Variants in CEP83 observed in about 807,000 individuals in gnomAD.
The protein encoded by CEP83 is centrosomal protein of 83 kDa.
In CEP83, 70 loss-of-function variants were observed where a neutral mutation model predicts 101.9. The observed-to-expected ratio is 0.69, with a 90% CI of 0.57 to 0.84. CEP83 has a LOEUF of 0.84. Ranked by LOEUF, CEP83 falls within the 40% of genes least tolerant of loss-of-function variation. CEP83 has a pLI of 0.00. For synonymous variants in CEP83, 264 were observed against 267.9 expected (o/e 0.99, Z 0.14); for missense variants, 715 against 787.2 (o/e 0.91, Z 1.10).
intron 2 of CEP83, among the ~76,000 whole-genome samples, chr12:94,415,550 A>G (rs1329880866): frequency 6.6e-6 from 1 of 152,134 alleles, no homozygotes; most frequent in Non-Finnish European, 1.5e-5. Context: ...GCTCTCAATG[A>G]AAAAATAATA....
At chr12:94,340,539 C>CA (rs961364066) in intron 11 of CEP83, among the ~76,000 whole-genome samples, 14 of 151,982 alleles carry the variant, frequency 9.2e-5, no homozygotes, top group African/African-American at 3.4e-4. Context: ...CAGGTTCACG[C>CA]AATTCTCCTG....
rs552233367 is a variant in CEP83, at chr12:94,426,436, C to T, written c.-102+8839G>A. ...ATGTAACTTTGTCCATGACAAGAAA[C>T]ATGTCTTACTCATGTTCATAATCCC... On this transcript the variant is annotated intron_variant, in intron 2 of 16. Transcript: ENST00000397809. 2.6e-5 allele frequency among the ~76,000 whole-genome samples: 4 copies of T among 152,258 alleles called. No homozygotes were observed. The East Asian group carries it at 7.7e-4, about 29-fold the overall frequency.
the CEP83 span, chr12:94,297,282 T>C: frequency 5.6e-6 from 9 of 1,612,178 alleles, no homozygotes; most frequent in East Asian, 2.0e-4. Context: ...AAGAGTGGTC[T>C]CCTTGGGTAA....
chr12:94,454,695 A>G (rs1299263352), intron 1 of CEP83, among the ~76,000 whole-genome samples: 4 of 152,226 alleles, frequency 2.6e-5, no homozygotes, highest in African/African-American at 9.7e-5. Flanking sequence ...CTTTGGGTCC[A>G]CACTGCCTTT....
At chr12:94,292,453 T>C in the CEP83 span, among the ~76,000 whole-genome samples, 1 of 152,254 alleles carries the variant, frequency 6.6e-6, no homozygotes, top group Non-Finnish European at 1.5e-5. Flanking sequence ...TCCCACATTA[T>C]GCTTACATTT....
the CEP83 span, chr12:94,282,392 C>G: frequency 6.2e-7 from 1 of 1,606,372 alleles, no homozygotes; most frequent in Non-Finnish European, 8.5e-7. Flanking sequence ...ACACCATTGG[C>G]CACTATGAGG....
At chr12:94,372,328 T>C (rs2061344494) in intron 8 of CEP83, among the ~76,000 whole-genome samples, 1 of 152,236 alleles carries the variant, frequency 6.6e-6, no homozygotes, top group African/African-American at 2.4e-5. Flanking sequence ...TTTTATAAAA[T>C]GATGTTTACA....
intron 6 of CEP83, among the ~76,000 whole-genome samples, chr12:94,396,121 C>A (rs1170050712): frequency 3.9e-5 from 6 of 152,074 alleles, no homozygotes; most frequent in South Asian, 4.1e-4. Context: ...GCGCCTACAA[C>A]TCTGTATTGT....
chr12:94,320,015 T>G (rs1301520831), intron 14 of CEP83, among the ~76,000 whole-genome samples: 1 of 152,240 alleles, frequency 6.6e-6, no homozygotes, highest in Non-Finnish European at 1.5e-5. Flanking sequence ...GAACTTGCTT[T>G]ATGAATCCGG....
At chr12:94,349,308 A>G (rs975150751) in intron 11 of CEP83, among the ~76,000 whole-genome samples, 2 of 151,894 alleles carry the variant, frequency 1.3e-5, no homozygotes, top group African/African-American at 4.8e-5. Flanking sequence ...AAAAAGAAAA[A>G]AAGTTTGTAG....
intron 8 of CEP83, among the ~76,000 whole-genome samples, chr12:94,372,243 A>G (rs1340485381): frequency 1.3e-5 from 2 of 152,056 alleles, no homozygotes; most frequent in Admixed American, 6.5e-5. Context: ...AAGTGCTGGG[A>G]TTACAGGCGT....
chr12:94,271,121 T>G, the CEP83 span, among the ~76,000 whole-genome samples: 2 of 152,236 alleles, frequency 1.3e-5, no homozygotes, highest in African/African-American at 2.4e-5. Flanking sequence ...GAACTAGGCT[T>G]TTCTCTTGAC....
At chr12:94,440,803 A>C (rs2066346185) in intron 1 of CEP83, among the ~76,000 whole-genome samples, 1 of 152,218 alleles carries the variant, frequency 6.6e-6, no homozygotes, top group Admixed American at 6.5e-5. Flanking sequence ...ATAGTTACCA[A>C]AACAGCATGG....
intron 1 of CEP83, among the ~76,000 whole-genome samples, chr12:94,449,452 T>G (rs995709840): frequency 2.6e-5 from 4 of 151,868 alleles, no homozygotes; most frequent in African/African-American, 9.7e-5. Flanking sequence ...TTCAACAACA[T>G]ATAACAGAGA....
intron 4 of CEP83, among the ~76,000 whole-genome samples, 184 bp downstream of exon 4, chr12:94,411,513 C>T (rs1226450220): frequency 2.0e-5 from 3 of 152,082 alleles, no homozygotes; most frequent in Non-Finnish European, 4.4e-5. Context: ...AGTTTCATGG[C>T]TCCCTTACAT....
the CEP83 span, chr12:94,282,490 C>A: frequency 1.2e-6 from 1 of 852,108 alleles, no homozygotes; most frequent in Non-Finnish European, 1.9e-6. Context: ...GACTCCCACC[C>A]ATTTCCTGGA....
At chr12:94,384,978 T>C (rs2062053485) in intron 6 of CEP83, among the ~76,000 whole-genome samples, 1 of 152,158 alleles carries the variant, frequency 6.6e-6, no homozygotes, top group South Asian at 2.1e-4. Flanking sequence ...CTTGGACATT[T>C]GGGGAATTAA....
chr12:94,448,213 A>T (rs1455240479), intron 1 of CEP83, among the ~76,000 whole-genome samples: 1 of 152,164 alleles, frequency 6.6e-6, no homozygotes, highest in Admixed American at 6.5e-5. Context: ...TATTACAGAC[A>T]AAGGAGGCCA....
At chr12:94,444,120 C>T (rs778909805) in intron 1 of CEP83, among the ~76,000 whole-genome samples, 6 of 152,126 alleles carry the variant, frequency 3.9e-5, no homozygotes, top group East Asian at 1.9e-4. Flanking sequence ...TACCTCAGGC[C>T]GGGCGTGGTG....
Sources: allele counts gnomAD v4.1 joint callset (sites outside exome capture counted in the v4.1 genomes callset), GRCh38; gene constraint gnomAD v4.1.1; transcripts MANE v1.5; gene names NCBI Gene and HGNC (gene_info 2026-07-23, HGNC 2026-07-21).